The following HHIPL1 variants were observed in gnomAD, a reference collection of about 807,000 sequenced individuals.
The protein encoded by HHIPL1 is HHIP like 1, also known as HHIP-like protein 1.
In HHIPL1, 43 loss-of-function variants were observed where a neutral mutation model predicts 61.8. The ratio of observed to expected loss-of-function variants is 0.70; its 90% CI spans 0.55 to 0.90. The LOEUF is 0.90. Among genes scored for constraint, HHIPL1 ranks in the 40% least tolerant of loss-of-function variants. The probability of loss-of-function intolerance (pLI) is 0.00; values close to 1 mark genes in which losing one functional copy is unlikely to be tolerated. For missense variants in HHIPL1, 1,056 were observed against 1,157.7 expected, an observed-to-expected ratio of 0.91 and a Z score of 1.28; for synonymous variants, 482 against 515.8, an observed-to-expected ratio of 0.93 and a Z score of 0.89.
rs1480783193 is a variant in HHIPL1 at position 99,656,768 on chromosome 14, C to T, written c.903-232C>T. On this transcript the variant is annotated intron_variant, in intron 2 of 8. Coordinates refer to ENST00000330710, the MANE Select transcript of HHIPL1 (RefSeq NM_001127258.3). ...TCCAGCCTGGTGACAGAGCAACACT[C>T]TGTCTGCAAAAAGAAAAGAAAAGAA... Among the ~76,000 whole-genome samples, 65 of 57,466 alleles carry T rather than the reference C, an allele frequency of 1.1e-3. 1 individual carries two copies. The highest frequency in any genetic ancestry group is 3.7e-3 in the African/African-American group (62 of 16,674). The allele number at this position is 57,466 out of a possible 152,430, so 37.7% of individuals were successfully genotyped here.
the HHIPL1 span, among the ~76,000 whole-genome samples, chr14:99,622,855 G>C: frequency 6.6e-6 from 1 of 152,262 alleles, no homozygotes; most frequent in East Asian, 1.9e-4. Flanking sequence ...AAGGGTGCTA[G>C]TGAGGATCAC....
chr14:99,637,035 G>GAAAGAAA, the HHIPL1 span, among the ~76,000 whole-genome samples: 25 of 101,018 alleles, frequency 2.5e-4, no homozygotes, highest in African/African-American at 9.6e-4. Context: ...AAGAAAGAAA[G>GAAAGAAA]AAAGAAAGAA....
At position 99,678,858 on chromosome 14, in the gene HHIPL1, T is replaced by G. The variant is rs577761324; in HGVS notation, c.*3232T>G. ...AAGGAGGTTTGAAGGAAGTTCGTCTTTAAAAGAAACCATTATTTCTAACAC... is the reference window on the plus strand; with the variant it reads ...AAGGAGGTTTGAAGGAAGTTCGTCTGTAAAAGAAACCATTATTTCTAACAC... On this transcript the variant is annotated 3_prime_UTR_variant, in exon 9 of 9. Transcript: ENST00000330710. 6.6e-6 allele frequency: 1 copy of G among 152,350 alleles called. No homozygotes were observed. Among genetic ancestry groups the G allele is most frequent in the East Asian group, 1.9e-4 (1 of 5,184 alleles). The allele number at this position is 152,350 out of a possible 1,614,324, so 9.4% of individuals were successfully genotyped here. A position where few individuals can be genotyped will look rare whatever the true frequency, so the allele number is the denominator to read the frequency against.
At chr14:99,605,240 G>A in the HHIPL1 span, among the ~76,000 whole-genome samples, 25 of 152,384 alleles carry the variant, frequency 1.6e-4, no homozygotes, top group Non-Finnish European at 3.4e-4. Flanking sequence ...CCGGGGTCCG[G>A]GGGCGCCGAG....
chr14:99,657,266 C>T (rs2056064498), intron 3 of HHIPL1, 123 bp downstream of exon 3: 1 of 1,123,060 alleles, frequency 8.9e-7, no homozygotes, highest in Non-Finnish European at 1.3e-6. Flanking sequence ...GGTTCTGGGT[C>T]CCAGCTCAGC....
the HHIPL1 span, among the ~76,000 whole-genome samples, chr14:99,636,239 C>G: frequency 0.33 from 49,453 of 151,360 alleles, 8,293 homozygotes; most frequent in Middle Eastern, 0.5. Flanking sequence ...CCGTGTATGA[C>G]CCCTGGAGAC....
At chr14:99,650,988 C>T (rs1012032182) in intron 1 of HHIPL1, among the ~76,000 whole-genome samples, 1 of 152,216 alleles carries the variant, frequency 6.6e-6, no homozygotes, top group Non-Finnish European at 1.5e-5. Context: ...GTTGCTCACG[C>T]CTGTAATCTC....
chr14:99,655,073 A>G (rs1050831215), intron 2 of HHIPL1, among the ~76,000 whole-genome samples: 2 of 152,172 alleles, frequency 1.3e-5, no homozygotes, highest in Non-Finnish European at 2.9e-5. Flanking sequence ...CAGGCCAGGA[A>G]TGAGTGGTTA....
At position 99,652,306 on chromosome 14, in the gene HHIPL1, A is replaced by G; in HGVS notation, c.338A>G (p.Asp113Gly). Residue 113 changes from aspartate to glycine, a missense_variant, in exon 2 of 9, where the codon GAT becomes GGT. Transcript: ENST00000330710. ...CGCACGGTGCCCGGGCTCTGCCAGG[A>G]TTACTGCCTGGACATGTGGCATAAG... Reference protein sequence around the residue: ...PLRTVPGLCQDYCLDMWHKCR... With the variant: ...PLRTVPGLCQGYCLDMWHKCR... 6.2e-7 allele frequency: 1 copy of G among 1,614,082 alleles called. No individual in the cohort carries two copies. Among genetic ancestry groups the G allele is most frequent in the Non-Finnish European group, 8.5e-7 (1 of 1,180,020 alleles).
intron 2 of HHIPL1, among the ~76,000 whole-genome samples, chr14:99,653,698 C>CT (rs2055978627): frequency 6.6e-6 from 1 of 152,194 alleles, no homozygotes; most frequent in African/African-American, 2.4e-5. Flanking sequence ...TGCCTCTGGG[C>CT]TTTTGCTCCT....
chr14:99,613,335 AT>A, the HHIPL1 span, among the ~76,000 whole-genome samples: 6 of 149,832 alleles, frequency 4.0e-5, no homozygotes, highest in East Asian at 4.0e-4. Context: ...TTTTTAATTA[AT>A]TTTTTTTTAG....
At chr14:99,605,417 A>G in the HHIPL1 span, among the ~76,000 whole-genome samples, 2 of 150,854 alleles carry the variant, frequency 1.3e-5, no homozygotes, top group African/African-American at 4.9e-5. Flanking sequence ...GGAACCTGCA[A>G]CGAGATCAAA....
At chr14:99,618,999 G>T in the HHIPL1 span, among the ~76,000 whole-genome samples, 1 of 152,176 alleles carries the variant, frequency 6.6e-6, no homozygotes, top group South Asian at 2.1e-4. Flanking sequence ...AAAGCAGCCT[G>T]TGTAGCCTGG....
At chr14:99,612,236 A>G in the HHIPL1 span, among the ~76,000 whole-genome samples, 1 of 152,194 alleles carries the variant, frequency 6.6e-6, no homozygotes, top group Admixed American at 6.5e-5. Flanking sequence ...GTGAGAACTC[A>G]CTGACGATGA....
the HHIPL1 span, among the ~76,000 whole-genome samples, chr14:99,637,168 A>AAAG: frequency 1.8e-5 from 2 of 110,586 alleles, no homozygotes; most frequent in African/African-American, 6.7e-5. Flanking sequence ...GAAAGAAAGA[A>AAAG]AAAGAAAGAA....
chr14:99,661,809 C>T (rs188517417), intron 5 of HHIPL1, among the ~76,000 whole-genome samples: 2 of 152,168 alleles, frequency 1.3e-5, no homozygotes, highest in Non-Finnish European at 2.9e-5. Flanking sequence ...TGGCAGCAGC[C>T]GAATAGGGTT....
chr14:99,641,835 T>C (rs535678241), upstream of HHIPL1, among the ~76,000 whole-genome samples: 1 of 152,328 alleles, frequency 6.6e-6, no homozygotes, highest in African/African-American at 2.4e-5. Context: ...GCAGTTTGCA[T>C]AGGATATGCC....
the HHIPL1 span, among the ~76,000 whole-genome samples, chr14:99,632,307 A>G: frequency 6.6e-6 from 1 of 152,314 alleles, no homozygotes; most frequent in Non-Finnish European, 1.5e-5. Flanking sequence ...GTATCTTTGC[A>G]GCCTCTACTG....
upstream of HHIPL1, among the ~76,000 whole-genome samples, chr14:99,642,441 G>T (rs76222085): frequency 0.054 from 8,163 of 152,178 alleles, 256 homozygotes; most frequent in East Asian, 0.085. Flanking sequence ...AAGCTCACTG[G>T]TGTTCTCCTC....
Sources: gnomAD v4.1 joint callset for allele counts (sites outside exome capture counted in the v4.1 genomes callset) on GRCh38, gnomAD v4.1.1 for gene constraint, MANE v1.5 for transcripts, NCBI Gene and HGNC (gene_info 2026-07-23, HGNC 2026-07-21) for gene names.